The following PLEKHD1 variants were observed in gnomAD, a reference collection of about 807,000 sequenced individuals.
PLEKHD1 encodes the protein pleckstrin homology and coiled-coil domain containing D1.
A neutral mutation model predicts 69.2 loss-of-function variants in PLEKHD1; 51 were observed. That is an observed-to-expected ratio of 0.74 (90% CI 0.59 to 0.93). The LOEUF (loss-of-function observed/expected upper bound fraction) is 0.93, where lower values mean the gene tolerates loss of function less well. PLEKHD1 is among the 40% of genes least tolerant of loss of function. The probability of loss-of-function intolerance (pLI) is 0.00; values close to 1 mark genes in which losing one functional copy is unlikely to be tolerated. For synonymous variants in PLEKHD1, 236 were observed against 244.7 expected (o/e 0.96, Z 0.33); for missense variants, 584 against 641.0 (o/e 0.91, Z 0.96).
intron 6 of PLEKHD1, among the ~76,000 whole-genome samples, chr14:69,505,811 C>G (rs1029291250): frequency 1.3e-5 from 2 of 152,180 alleles, no homozygotes; most frequent in Non-Finnish European, 2.9e-5. Flanking sequence ...GCAGAGCGTG[C>G]AGGGGGAACC....
intron 1 of PLEKHD1, among the ~76,000 whole-genome samples, chr14:69,493,351 C>T (rs1235316773): frequency 2.0e-5 from 3 of 152,232 alleles, no homozygotes; most frequent in Admixed American, 2.0e-4. Context: ...GCTTTGTCAG[C>T]AGAAATAACC....
Position 69,509,810 on chromosome 14 carries a change from C to T in PLEKHD1, c.555+6931C>T, listed in dbSNP as rs149210012. Among the ~76,000 whole-genome samples the T allele has an allele frequency of 6.9e-3, 1,041 of 151,956 alleles. 5 individuals are homozygous for T. Among genetic ancestry groups the T allele is most frequent in the Non-Finnish European group, 9.4e-3 (642 of 67,950 alleles). ...AAAATTAGCCAGGCGTGGTGGCGGGCGCCTGTAATCCCAGCTACTCAGGAG... is the reference window on the plus strand; with the variant it reads ...AAAATTAGCCAGGCGTGGTGGCGGGTGCCTGTAATCCCAGCTACTCAGGAG... On this transcript the variant is annotated intron_variant, in intron 6 of 12. Transcript: ENST00000322564.
At chr14:69,498,588 T>TTTCTCTTCTCTTCTCTTCTCTTCCC (rs1882943554) in intron 1 of PLEKHD1, among the ~76,000 whole-genome samples, 5 of 108,704 alleles carry the variant, frequency 4.6e-5, no homozygotes, top group Admixed American at 2.0e-4. Flanking sequence ...TTCTTTTTGT[T>TTTCTCTTCTCTTCTCTTCTCTTCCC]TTCTCTTCTC....
rs368807067 is a variant in PLEKHD1, at chr14:69,495,669, C to T, written c.150-4446C>T. On this transcript the variant is annotated intron_variant, in intron 1 of 12. Transcript: ENST00000322564. ...GCCCTATGCAATCTGGCCCAACTGC[C>T]GCAGCCTTGCAGTTCCCTCGAGAGC... Among the ~76,000 whole-genome samples, 32 of 152,336 alleles carry T rather than the reference C, an allele frequency of 2.1e-4. No individual in the cohort carries two copies. The South Asian group carries it at 6.6e-3, about 32-fold the overall frequency.
intron 6 of PLEKHD1, 178 bp downstream of exon 6, chr14:69,503,057 T>G: frequency 1.5e-6 from 1 of 678,482 alleles, no homozygotes; most frequent in Non-Finnish European, 2.5e-6. Context: ...AACTTGTTGG[T>G]AAGAAGTGTC....
intron 5 of PLEKHD1, 163 bp from the exon 6 acceptor site, chr14:69,502,663 TC>T: frequency 1.4e-6 from 1 of 739,852 alleles, no homozygotes; most frequent in South Asian, 1.8e-5. Flanking sequence ...GGTGGCAGCT[TC>T]CATCACCAGG....
intron 6 of PLEKHD1, among the ~76,000 whole-genome samples, chr14:69,507,885 A>G (rs1031370322): frequency 2.0e-5 from 3 of 151,790 alleles, no homozygotes; most frequent in Non-Finnish European, 2.9e-5. Flanking sequence ...ATTTTTTTAA[A>G]TTATTTTTAT....
In PLEKHD1 at chr14:69,487,676, G is replaced by A. The variant is rs1308826863; in HGVS notation, c.149+2562G>A. Among the ~76,000 whole-genome samples the A allele has an allele frequency of 2.6e-5, 4 of 152,178 alleles. No individual in the cohort carries two copies. In the East Asian group the frequency reaches 7.7e-4, roughly 29 times the overall value. On this transcript the variant is annotated intron_variant, in intron 1 of 12. Transcript: ENST00000322564. Reference sequence around the variant, plus strand: ...GCTGAAGGGTCAACTTATTTCCTGGGGGCAACAAAAGGGGAAGGGAATCAA... The same window carrying A: ...GCTGAAGGGTCAACTTATTTCCTGGAGGCAACAAAAGGGGAAGGGAATCAA...
At chr14:69,510,652 G>A (rs866968064) in intron 6 of PLEKHD1, among the ~76,000 whole-genome samples, 6 of 151,888 alleles carry the variant, frequency 4.0e-5, no homozygotes, top group African/African-American at 1.5e-4. Context: ...AATTTTTTTG[G>A]TCAATTCTTC....
At chr14:69,495,055 A>G (rs1409926419) in intron 1 of PLEKHD1, among the ~76,000 whole-genome samples, 2 of 152,160 alleles carry the variant, frequency 1.3e-5, no homozygotes, top group Admixed American at 6.5e-5. Context: ...CGGGTGTGGC[A>G]TGTGTGATGT....
the PLEKHD1 span, among the ~76,000 whole-genome samples, chr14:69,472,411 C>G: frequency 1.3e-5 from 2 of 152,128 alleles, no homozygotes; most frequent in Admixed American, 6.6e-5. Context: ...TTAGGCTTAC[C>G]GGGACCGCGT....
At chr14:69,470,022 A>C in the PLEKHD1 span, among the ~76,000 whole-genome samples, 1 of 151,070 alleles carries the variant, frequency 6.6e-6, no homozygotes, top group African/African-American at 2.4e-5. Context: ...GTGCCCTGCC[A>C]AGTTGTCTCT....
At chr14:69,507,630 A>T (rs111561162) in intron 6 of PLEKHD1, among the ~76,000 whole-genome samples, 3 of 152,374 alleles carry the variant, frequency 2.0e-5, no homozygotes, top group African/African-American at 7.2e-5. Context: ...TGCAGTAGCA[A>T]TGAATGAGAG....
Position 69,506,807 on chromosome 14 carries a change from T to C in PLEKHD1, c.555+3928T>C, listed in dbSNP as rs76579599. 5.7e-4 allele frequency among the ~76,000 whole-genome samples: 86 copies of C among 151,972 alleles called. 2 individuals carry two copies. The East Asian group carries it at 0.015, about 27-fold the overall frequency. On this transcript the variant is annotated intron_variant, in intron 6 of 12. Coordinates refer to ENST00000322564, the MANE Select transcript of PLEKHD1 (RefSeq NM_001161498.2). Reference sequence around the variant, plus strand: ...GGATTTTGGCAAACGTATAACAATATGTATCTACCACTGTAGTATCATACA... The same window carrying C: ...GGATTTTGGCAAACGTATAACAATACGTATCTACCACTGTAGTATCATACA...
intron 6 of PLEKHD1, among the ~76,000 whole-genome samples, chr14:69,519,722 A>G (rs1407702550): frequency 6.6e-6 from 1 of 152,210 alleles, no homozygotes; most frequent in Non-Finnish European, 1.5e-5. Flanking sequence ...TTCAACTACA[A>G]AAGGATATCC....
At chr14:69,475,250 A>G in the PLEKHD1 span, among the ~76,000 whole-genome samples, 1 of 152,236 alleles carries the variant, frequency 6.6e-6, no homozygotes, top group African/African-American at 2.4e-5. Flanking sequence ...GCCAGACTCA[A>G]CATATCTGCC....
intron 6 of PLEKHD1, among the ~76,000 whole-genome samples, chr14:69,509,007 G>T (rs112506826): frequency 0.023 from 3,459 of 152,260 alleles, 72 homozygotes; most frequent in Non-Finnish European, 0.031. Context: ...ATGCTGAGTT[G>T]GTCACAATCC....
intron 6 of PLEKHD1, among the ~76,000 whole-genome samples, chr14:69,519,287 G>A (rs924942593): frequency 5.3e-5 from 8 of 152,058 alleles, no homozygotes; most frequent in African/African-American, 1.4e-4. Flanking sequence ...GTTGTTCAGG[G>A]GTGAAATGGG....
chr14:69,517,470 G>A (rs1038495847), intron 6 of PLEKHD1, among the ~76,000 whole-genome samples: 1 of 152,122 alleles, frequency 6.6e-6, no homozygotes, highest in South Asian at 2.1e-4. Context: ...AGCAGGGAGG[G>A]GTGGGGGAGT....
Sources: allele counts gnomAD v4.1 joint callset (sites outside exome capture counted in the v4.1 genomes callset), GRCh38; gene constraint gnomAD v4.1.1; transcripts MANE v1.5; gene names NCBI Gene and HGNC (gene_info 2026-07-23, HGNC 2026-07-21).